SLC25A21: variants seen among roughly 807,000 people sequenced by gnomAD.
SLC25A21 encodes mitochondrial 2-oxodicarboxylate carrier.
A neutral mutation model predicts 43.8 loss-of-function variants in SLC25A21; 47 were observed. The observed-to-expected ratio is 1.07, with a 90% confidence interval of 0.85 to 1.37. SLC25A21 has a LOEUF of 1.37. Ranked by LOEUF, SLC25A21 falls within the 40% of genes most tolerant of loss-of-function variation. The probability of loss-of-function intolerance (pLI) is 0.00; values close to 1 mark genes in which losing one functional copy is unlikely to be tolerated. For synonymous variants in SLC25A21, 131 were observed against 121.3 expected, an observed-to-expected ratio of 1.08 and a Z score of -0.52; for missense variants, 352 against 350.2, an observed-to-expected ratio of 1.00 and a Z score of -0.04.
At chr14:37,147,203 G>C (rs28450426) in intron 1 of SLC25A21, among the ~76,000 whole-genome samples, 1,879 of 152,192 alleles carry the variant, frequency 0.012, 38 homozygotes, top group African/African-American at 0.043. Flanking sequence ...AAAAAATAAA[G>C]AAATGCCAGT....
At chr14:36,763,314 T>C (rs1886235441) in intron 3 of SLC25A21, among the ~76,000 whole-genome samples, 1 of 152,258 alleles carries the variant, frequency 6.6e-6, no homozygotes, top group South Asian at 2.1e-4. Context: ...TTCTCTTTTA[T>C]TTGTGTAACA....
intron 1 of SLC25A21, among the ~76,000 whole-genome samples, chr14:37,111,617 C>G (rs1963020361): frequency 6.6e-6 from 1 of 152,028 alleles, no homozygotes; most frequent in Non-Finnish European, 1.5e-5. Context: ...TAATAAATTT[C>G]ATATTTCTCA....
intron 1 of SLC25A21, among the ~76,000 whole-genome samples, chr14:37,057,886 G>A (rs867209650): frequency 9.9e-5 from 15 of 152,074 alleles, no homozygotes; most frequent in African/African-American, 3.6e-4. Context: ...CACAAATACT[G>A]ACATGGATCA....
chr14:36,829,995 G>A (rs1316531666), intron 2 of SLC25A21, among the ~76,000 whole-genome samples: 4 of 151,726 alleles, frequency 2.6e-5, no homozygotes, highest in African/African-American at 9.7e-5. Flanking sequence ...CTACACGACT[G>A]TGTATTGTGA....
chr14:36,941,840 T>A (rs2138650162), intron 1 of SLC25A21, among the ~76,000 whole-genome samples: 1 of 152,158 alleles, frequency 6.6e-6, no homozygotes, highest in South Asian at 2.1e-4. Context: ...AGTGTCTTTA[T>A]TTGAAATATT....
intron 1 of SLC25A21, among the ~76,000 whole-genome samples, chr14:36,879,630 G>C (rs943919065): frequency 3.9e-5 from 6 of 152,050 alleles, no homozygotes; most frequent in African/African-American, 1.4e-4. Context: ...CCCTTGAACT[G>C]CCTCAAGTAC....
intron 3 of SLC25A21, among the ~76,000 whole-genome samples, chr14:36,797,025 G>A (rs1019039247): frequency 6.6e-6 from 1 of 152,166 alleles, no homozygotes; most frequent in African/African-American, 2.4e-5. Context: ...AGGTGGAGGA[G>A]TGTGGGAAAG....
At chr14:36,736,231 A>G (rs1885036028) in intron 3 of SLC25A21, among the ~76,000 whole-genome samples, 1 of 152,078 alleles carries the variant, frequency 6.6e-6, no homozygotes. Flanking sequence ...CACCGTGCCC[A>G]GCCTGCCCAC....
chr14:37,165,343 C>CT (rs2138954998), intron 1 of SLC25A21, among the ~76,000 whole-genome samples: 1 of 151,838 alleles, frequency 6.6e-6, no homozygotes, highest in Admixed American at 6.6e-5. Flanking sequence ...CGCCACTGTA[C>CT]TCCAGCCTGA....
In SLC25A21 at chr14:36,679,179, CT is replaced by C. The variant is rs1555318108; in HGVS notation, c.*1478del. ...GTGCAACAGAGACACATTCTTATTTCTTTTTTTTCACAATTTTGTTTTGTTT... is the reference window on the plus strand; with the variant it reads ...GTGCAACAGAGACACATTCTTATTTCTTTTTTTCACAATTTTGTTTTGTTT... On this transcript the variant is annotated 3_prime_UTR_variant, in exon 10 of 10. Transcript: ENST00000331299. 2.0e-6 allele frequency: 2 copies of C among 984,682 alleles called. No homozygotes were observed. Among genetic ancestry groups the C allele is most frequent in the Non-Finnish European group, 2.4e-6 (2 of 829,436 alleles). The allele number at this position is 984,682 out of a possible 1,614,324, so 61.0% of individuals were successfully genotyped here.
At chr14:36,917,688 G>T (rs1891867732) in intron 1 of SLC25A21, among the ~76,000 whole-genome samples, 1 of 151,284 alleles carries the variant, frequency 6.6e-6, no homozygotes, top group South Asian at 2.1e-4. Context: ...TCAATTGCTG[G>T]CATCTATGGT....
At chr14:37,116,938 T>C (rs1234477624) in intron 1 of SLC25A21, among the ~76,000 whole-genome samples, 1 of 152,172 alleles carries the variant, frequency 6.6e-6, no homozygotes, top group Admixed American at 6.6e-5. Flanking sequence ...ACATAACTTG[T>C]AGTATTGGGT....
At chr14:36,981,130 A>G (rs78284328) in intron 1 of SLC25A21, among the ~76,000 whole-genome samples, 4 of 152,054 alleles carry the variant, frequency 2.6e-5, no homozygotes, top group Non-Finnish European at 5.9e-5. Flanking sequence ...ATCAAAAACC[A>G]CAATGAGATA....
chr14:36,679,819 T>C lies in SLC25A21; in HGVS notation c.*839A>G. The C allele has an allele frequency of 1.0e-6, 1 of 985,136 alleles. No homozygotes were observed. Among genetic ancestry groups the C allele is most frequent in the Non-Finnish European group, 1.2e-6 (1 of 829,646 alleles). 61.0% of individuals were successfully genotyped at this position (985,136 alleles called of 1,614,324 possible). On this transcript the variant is annotated 3_prime_UTR_variant, in exon 10 of 10. Transcript: ENST00000331299. ...TGGGTCCAAAGGTGTTTCCAATTTGTGATTTAACATGACAATATCTCATCA... is the reference window on the plus strand; with the variant it reads ...TGGGTCCAAAGGTGTTTCCAATTTGCGATTTAACATGACAATATCTCATCA...
chr14:37,120,030 C>G (rs900302176), intron 1 of SLC25A21, among the ~76,000 whole-genome samples: 1 of 152,028 alleles, frequency 6.6e-6, no homozygotes, highest in Admixed American at 6.6e-5. Flanking sequence ...AAAAGAAGAA[C>G]ATACTTTACA....
chr14:36,807,841 A>G (rs1888099980), intron 3 of SLC25A21, among the ~76,000 whole-genome samples: 2 of 152,184 alleles, frequency 1.3e-5, no homozygotes. Flanking sequence ...GGGAGTGAGT[A>G]TACCTCCTGG....
At chr14:36,891,061 T>A (rs1010023038) in intron 1 of SLC25A21, among the ~76,000 whole-genome samples, 6 of 152,188 alleles carry the variant, frequency 3.9e-5, no homozygotes, top group African/African-American at 1.4e-4. Context: ...CATTTCATAC[T>A]CATATTCCAA....
At chr14:36,982,091 T>G (rs2138700878) in intron 1 of SLC25A21, among the ~76,000 whole-genome samples, 1 of 152,218 alleles carries the variant, frequency 6.6e-6, no homozygotes, top group South Asian at 2.1e-4. Flanking sequence ...TTGCAAAACA[T>G]GGAGAGTATC....
At chr14:36,931,827 C>T (rs562604837) in intron 1 of SLC25A21, among the ~76,000 whole-genome samples, 1 of 152,086 alleles carries the variant, frequency 6.6e-6, no homozygotes, top group Non-Finnish European at 1.5e-5. Context: ...CAGAATTTTG[C>T]TCTGAGTACT....
Sources: gnomAD v4.1 joint callset for allele counts (sites outside exome capture counted in the v4.1 genomes callset) on GRCh38, gnomAD v4.1.1 for gene constraint, MANE v1.5 for transcripts, NCBI Gene and HGNC (gene_info 2026-07-23, HGNC 2026-07-21) for gene names.